FHIT: variants seen among roughly 807,000 people sequenced by gnomAD.
The protein encoded by FHIT is fragile histidine triad diadenosine triphosphatase.
Under a neutral mutation model 17.9 loss-of-function variants are expected in FHIT, and 19 were observed. That is an observed-to-expected ratio of 1.06 (90% CI 0.74 to 1.56). FHIT has a LOEUF of 1.56. FHIT is among the 40% of genes most tolerant of loss of function. The pLI, the probability that FHIT is intolerant of heterozygous loss-of-function variation, is 0.00. For synonymous variants in FHIT, 81 were observed against 69.7 expected, an observed-to-expected ratio of 1.16 and a Z score of -0.81; for missense variants, 248 against 189.2, an observed-to-expected ratio of 1.31 and a Z score of -1.82.
chr3:60,531,805 G>A (rs1262300365), intron 5 of FHIT, among the ~76,000 whole-genome samples: 2 of 152,168 alleles, frequency 1.3e-5, no homozygotes, highest in African/African-American at 4.8e-5. Flanking sequence ...CACTCAACAT[G>A]GTAACGGTCT....
chr3:59,848,157 T>G (rs1439730559), intron 8 of FHIT, among the ~76,000 whole-genome samples: 2 of 152,208 alleles, frequency 1.3e-5, no homozygotes, highest in African/African-American at 4.8e-5. Flanking sequence ...CAGGAGTACA[T>G]GCACAGCTGC....
intron 8 of FHIT, among the ~76,000 whole-genome samples, chr3:59,760,128 T>A (rs958296336): frequency 6.6e-6 from 1 of 152,194 alleles, no homozygotes; most frequent in African/African-American, 2.4e-5. Context: ...TGCCAAAGCT[T>A]TGACTTAAGC....
chr3:60,349,421 G>A (rs1274573936), intron 5 of FHIT, among the ~76,000 whole-genome samples: 3 of 152,128 alleles, frequency 2.0e-5, no homozygotes, highest in Admixed American at 6.5e-5. Context: ...CCACGTGGAC[G>A]AATATAAACA....
chr3:60,074,876 G>T (rs957542793), intron 5 of FHIT, among the ~76,000 whole-genome samples: 1 of 151,992 alleles, frequency 6.6e-6, no homozygotes, highest in African/African-American at 2.4e-5. Flanking sequence ...TGCACTAGTT[G>T]GTTTAATTAC....
intron 4 of FHIT, among the ~76,000 whole-genome samples, chr3:60,763,751 C>A (rs1465454950): frequency 6.6e-6 from 1 of 152,176 alleles, no homozygotes; most frequent in Non-Finnish European, 1.5e-5. Context: ...ATACACAAAT[C>A]AAGACTCATA....
intron 5 of FHIT, among the ~76,000 whole-genome samples, chr3:60,528,932 T>A (rs2035671334): frequency 6.6e-6 from 1 of 152,192 alleles, no homozygotes. Flanking sequence ...ATACTAATTG[T>A]TACACATAAA....
At chr3:60,284,518 A>G (rs1012765487) in intron 5 of FHIT, among the ~76,000 whole-genome samples, 1 of 152,094 alleles carries the variant, frequency 6.6e-6, no homozygotes, top group African/African-American at 2.4e-5. Context: ...AGTTTTCACT[A>G]TTTTAAGAGA....
intron 5 of FHIT, among the ~76,000 whole-genome samples, chr3:60,110,433 T>C (rs1007389048): frequency 3.9e-5 from 6 of 152,138 alleles, no homozygotes; most frequent in Admixed American, 1.3e-4. Flanking sequence ...TAAGGAGTGA[T>C]TAAAGCAGGG....
At chr3:60,066,052 G>C (rs1702488269) in intron 5 of FHIT, among the ~76,000 whole-genome samples, 1 of 152,094 alleles carries the variant, frequency 6.6e-6, no homozygotes, top group Non-Finnish European at 1.5e-5. Context: ...GTTAAAGGCA[G>C]GGTTTCTGTT....
intron 2 of FHIT, among the ~76,000 whole-genome samples, chr3:61,095,652 A>T (rs879268227): frequency 7.3e-5 from 11 of 150,706 alleles, no homozygotes; most frequent in Non-Finnish European, 1.6e-4. Flanking sequence ...CATCTGTTTT[A>T]AAAAAAAAAA....
chr3:60,023,279 T>C (rs770471012), intron 5 of FHIT, among the ~76,000 whole-genome samples: 11 of 152,246 alleles, frequency 7.2e-5, no homozygotes, highest in Non-Finnish European at 1.6e-4. Flanking sequence ...ACTAAAAATC[T>C]GCAATTCATT....
intron 7 of FHIT, among the ~76,000 whole-genome samples, chr3:59,951,995 C>T (rs1325331938): frequency 6.6e-6 from 1 of 152,132 alleles, no homozygotes; most frequent in African/African-American, 2.4e-5. Flanking sequence ...CTTGATTTGC[C>T]TCCCCCAAAT....
chr3:60,774,734 G>C (rs1464693799), intron 4 of FHIT, among the ~76,000 whole-genome samples: 7 of 152,182 alleles, frequency 4.6e-5, no homozygotes, highest in Admixed American at 4.6e-4. Flanking sequence ...TATAAGCACT[G>C]TGATACTGCA....
intron 5 of FHIT, among the ~76,000 whole-genome samples, chr3:60,192,399 C>T (rs1290010944): frequency 2.0e-5 from 3 of 151,238 alleles, no homozygotes; most frequent in Non-Finnish European, 4.4e-5. Flanking sequence ...TGGCTGGAGA[C>T]ATGGGGTATG....
intron 2 of FHIT, among the ~76,000 whole-genome samples, chr3:61,194,901 GA>G (rs2038812503): frequency 6.6e-6 from 1 of 150,928 alleles, no homozygotes; most frequent in South Asian, 2.1e-4. Context: ...TTATAGTTCT[GA>G]AATAATTTCA....
chr3:60,880,655 C>A (rs1704922383), intron 3 of FHIT, among the ~76,000 whole-genome samples: 1 of 152,158 alleles, frequency 6.6e-6, no homozygotes, highest in African/African-American at 2.4e-5. Context: ...TCACTTGTAC[C>A]CAGGAGGTGG....
intron 5 of FHIT, among the ~76,000 whole-genome samples, chr3:60,238,137 C>A (rs1704907069): frequency 8.9e-6 from 1 of 112,600 alleles, no homozygotes; most frequent in South Asian, 3.2e-4. Context: ...AAGCGAGACT[C>A]CGTCTCAAAA....
At chr3:60,711,429 G>A (rs1287952110) in intron 4 of FHIT, among the ~76,000 whole-genome samples, 1 of 152,232 alleles carries the variant, frequency 6.6e-6, no homozygotes, top group East Asian at 1.9e-4. Context: ...GACAGAGAAT[G>A]ACTTTGACAA....
intron 5 of FHIT, among the ~76,000 whole-genome samples, chr3:60,346,259 C>G (rs895526517): frequency 2.0e-5 from 3 of 152,186 alleles, no homozygotes; most frequent in African/African-American, 7.2e-5. Flanking sequence ...GCTTAGCCAG[C>G]TTTTGCTACC....
Sources: allele counts gnomAD v4.1 joint callset (sites outside exome capture counted in the v4.1 genomes callset), GRCh38; gene constraint gnomAD v4.1.1; transcripts MANE v1.5; gene names NCBI Gene and HGNC (gene_info 2026-07-23, HGNC 2026-07-21).